GPC5: variants seen among roughly 807,000 people sequenced by gnomAD.
GPC5 encodes glypican 5.
GPC5 carries 47 observed loss-of-function variants against 53.9 expected under a neutral mutation model. The observed-to-expected ratio is 0.87, with a 90% CI of 0.69 to 1.11. The LOEUF (loss-of-function observed/expected upper bound fraction) is 1.11, where lower values mean the gene tolerates loss of function less well. GPC5 is among the 50% of genes most tolerant of loss of function. The pLI, the probability that GPC5 is intolerant of heterozygous loss-of-function variation, is 0.00. For synonymous variants in GPC5, 286 were observed against 263.3 expected (o/e 1.09, Z -0.84); for missense variants, 748 against 713.1 (o/e 1.05, Z -0.56).
At chr13:91,696,276 G>C (rs552380225) in intron 3 of GPC5, among the ~76,000 whole-genome samples, 4 of 152,286 alleles carry the variant, frequency 2.6e-5, no homozygotes, top group South Asian at 4.1e-4. Flanking sequence ...TTTTCAAAGA[G>C]AGTGCTCTTT....
intron 7 of GPC5, among the ~76,000 whole-genome samples, chr13:92,412,140 G>A (rs1309829060): frequency 6.6e-6 from 1 of 152,142 alleles, no homozygotes; most frequent in Non-Finnish European, 1.5e-5. Flanking sequence ...TTGATCCTCT[G>A]TGTCTGTGAG....
chr13:92,462,220 A>T (rs934712145), intron 7 of GPC5, among the ~76,000 whole-genome samples: 12 of 152,176 alleles, frequency 7.9e-5, no homozygotes, highest in African/African-American at 2.9e-4. Flanking sequence ...TGGCTGGCTC[A>T]TTGAAAACAG....
At chr13:91,751,734 C>G (rs2037181668) in intron 4 of GPC5, among the ~76,000 whole-genome samples, 1 of 152,218 alleles carries the variant, frequency 6.6e-6, no homozygotes, top group Admixed American at 6.5e-5. Context: ...TTATCTCCTT[C>G]TTTTTATACC....
At chr13:92,275,850 A>G (rs150060010) in intron 7 of GPC5, among the ~76,000 whole-genome samples, 1 of 152,270 alleles carries the variant, frequency 6.6e-6, no homozygotes, top group East Asian at 1.9e-4. Context: ...CTGGAATATC[A>G]TGACCTGATA....
chr13:91,414,122 A>T (rs1280585495), intron 1 of GPC5, among the ~76,000 whole-genome samples: 3 of 151,986 alleles, frequency 2.0e-5, no homozygotes, highest in Admixed American at 1.3e-4. Context: ...CCCCACTCAA[A>T]TCTCATTTTG....
chr13:92,319,528 C>T (rs1315847783), intron 7 of GPC5, among the ~76,000 whole-genome samples: 1 of 151,972 alleles, frequency 6.6e-6, no homozygotes, highest in African/African-American at 2.4e-5. Flanking sequence ...ATATCTAAAG[C>T]ATGATCCACT....
chr13:92,764,206 T>C (rs1448526954), intron 7 of GPC5, among the ~76,000 whole-genome samples: 2 of 152,208 alleles, frequency 1.3e-5, no homozygotes, highest in African/African-American at 4.8e-5. Context: ...GGACCAGCTC[T>C]GTGACAAATT....
At chr13:92,640,761 A>T (rs2139148996) in intron 7 of GPC5, among the ~76,000 whole-genome samples, 1 of 152,288 alleles carries the variant, frequency 6.6e-6, no homozygotes, top group East Asian at 1.9e-4. Flanking sequence ...CCACTGACCA[A>T]ATCTAGGGAC....
intron 7 of GPC5, among the ~76,000 whole-genome samples, chr13:92,630,788 CA>C (rs1252003095): frequency 1.3e-5 from 2 of 152,126 alleles, no homozygotes; most frequent in Non-Finnish European, 2.9e-5. Flanking sequence ...CTTGTCCTAG[CA>C]AAACTGTTGT....
At position 91,699,959 on chromosome 13, in the gene GPC5, T is replaced by A. The variant is rs181217893; in HGVS notation, c.1020+6078T>A. Among the ~76,000 whole-genome samples, 21 of 152,354 alleles carry A rather than the reference T, an allele frequency of 1.4e-4. No individual in the cohort carries two copies. In the East Asian group the frequency reaches 3.9e-3, roughly 28 times the overall value. ...GTTTTTTTTCAGATATGGAATGAGA[T>A]GTTTTCTGATTAGAGGCAAGTCAAA... On this transcript the variant is annotated intron_variant, in intron 3 of 7. Transcript: ENST00000377067.
chr13:92,707,501 G>C (rs891069213), intron 7 of GPC5, among the ~76,000 whole-genome samples: 2 of 151,958 alleles, frequency 1.3e-5, no homozygotes, highest in African/African-American at 4.8e-5. Context: ...TAGCAAGAAA[G>C]GCTCACTGAA....
At chr13:92,457,408 G>A (rs1174575609) in intron 7 of GPC5, among the ~76,000 whole-genome samples, 2 of 151,900 alleles carry the variant, frequency 1.3e-5, no homozygotes, top group Non-Finnish European at 2.9e-5. Context: ...TAGATTACCA[G>A]CACCCTTCTC....
chr13:92,374,572 A>G (rs2043677367), intron 7 of GPC5, among the ~76,000 whole-genome samples: 1 of 151,876 alleles, frequency 6.6e-6, no homozygotes, highest in African/African-American at 2.4e-5. Flanking sequence ...ATGAAATTGG[A>G]AATCATCATT....
chr13:91,790,521 G>T (rs2037947447), intron 5 of GPC5, among the ~76,000 whole-genome samples: 2 of 152,090 alleles, frequency 1.3e-5, no homozygotes, highest in Non-Finnish European at 2.9e-5. Context: ...AAACAACAAT[G>T]CTCCTACCCT....
intron 6 of GPC5, among the ~76,000 whole-genome samples, chr13:92,081,489 C>T (rs2041295092): frequency 6.6e-6 from 1 of 152,002 alleles, no homozygotes; most frequent in South Asian, 2.1e-4. Context: ...TTTAAAGAGG[C>T]AATTAGGAAG....
intron 7 of GPC5, among the ~76,000 whole-genome samples, chr13:92,181,528 G>T (rs2042147156): frequency 6.6e-6 from 1 of 152,192 alleles, no homozygotes; most frequent in South Asian, 2.1e-4. Flanking sequence ...GTACAATTTT[G>T]CTGGGGTGAT....
At chr13:92,484,930 T>G (rs1879499737) in intron 7 of GPC5, among the ~76,000 whole-genome samples, 1 of 151,860 alleles carries the variant, frequency 6.6e-6, no homozygotes, top group Non-Finnish European at 1.5e-5. Context: ...TAGAGATGGA[T>G]TTCACCGGTT....
chr13:91,846,623 T>C (rs1032206159), intron 5 of GPC5, among the ~76,000 whole-genome samples: 2 of 151,986 alleles, frequency 1.3e-5, no homozygotes, highest in African/African-American at 4.8e-5. Context: ...AATGGCTTTT[T>C]TACTGAAGAC....
At chr13:92,250,150 C>G (rs576919738) in intron 7 of GPC5, among the ~76,000 whole-genome samples, 2 of 151,970 alleles carry the variant, frequency 1.3e-5, no homozygotes, top group South Asian at 4.2e-4. Context: ...TTCAATGATA[C>G]ATGCTCAGCC....
Sources: gnomAD v4.1 joint callset for allele counts (sites outside exome capture counted in the v4.1 genomes callset) on GRCh38, gnomAD v4.1.1 for gene constraint, MANE v1.5 for transcripts, NCBI Gene and HGNC (gene_info 2026-07-23, HGNC 2026-07-21) for gene names.